VPS54: variants seen among roughly 807,000 people sequenced by gnomAD.
VPS54 encodes the protein vacuolar protein sorting-associated protein 54.
A neutral mutation model predicts 121.5 loss-of-function variants in VPS54; 45 were observed. The ratio of observed to expected loss-of-function variants is 0.37; its 90% confidence interval spans 0.29 to 0.47. VPS54 has a LOEUF of 0.47. Among genes scored for constraint, VPS54 ranks in the 20% least tolerant of loss-of-function variants. The pLI is 0.99. For synonymous variants in VPS54, 371 were observed against 385.8 expected, an observed-to-expected ratio of 0.96 and a Z score of 0.45; for missense variants, 1,090 against 1,131.4, an observed-to-expected ratio of 0.96 and a Z score of 0.52.
At chr2:63,961,970 A>G in intron 7 of VPS54, 88 bp downstream of exon 7, 1 of 1,320,298 alleles carries the variant, frequency 7.6e-7, no homozygotes, top group Non-Finnish European at 1.0e-6. Context: ...TTAACTTTGA[A>G]TATATTCACA....
chr2:63,988,003 GCTTT>G (rs374556774), intron 1 of VPS54, among the ~76,000 whole-genome samples: 111 of 152,254 alleles, frequency 7.3e-4, no homozygotes, highest in African/African-American at 2.3e-3. Context: ...CAATTTGGAT[GCTTT>G]CTTTCTTTCT....
chr2:63,965,716 A>G (rs1559026341), intron 6 of VPS54, 119 bp downstream of exon 6: 4 of 1,397,928 alleles, frequency 2.9e-6, no homozygotes, highest in Non-Finnish European at 1.9e-6. Context: ...TATAGTTATC[A>G]GTAAGAACAA....
intron 1 of VPS54, among the ~76,000 whole-genome samples, 186 bp from the exon 2 acceptor site, chr2:63,984,205 C>G (rs1676935990): frequency 6.6e-6 from 1 of 151,990 alleles, no homozygotes; most frequent in African/African-American, 2.4e-5. Context: ...GTTATTTGTC[C>G]CCATTTTTAA....
chr2:64,018,148 C>T (rs1678796142), intron 1 of VPS54, among the ~76,000 whole-genome samples: 1 of 152,100 alleles, frequency 6.6e-6, no homozygotes, highest in Non-Finnish European at 1.5e-5. Flanking sequence ...CTTGATTTGA[C>T]AAATCAGAAA....
chr2:63,971,883 C>G (rs1265650130), intron 4 of VPS54, among the ~76,000 whole-genome samples: 1 of 152,090 alleles, frequency 6.6e-6, no homozygotes, highest in Non-Finnish European at 1.5e-5. Flanking sequence ...TGGGACTACA[C>G]ACATGTGCCA....
chr2:63,948,389 C>A (rs1675085391), intron 8 of VPS54, among the ~76,000 whole-genome samples: 1 of 149,966 alleles, frequency 6.7e-6, no homozygotes, highest in African/African-American at 2.5e-5. Flanking sequence ...CGGGTAATTA[C>A]CATATGATAA....
intron 20 of VPS54, among the ~76,000 whole-genome samples, chr2:63,907,094 A>G (rs1191838550): frequency 6.6e-6 from 1 of 152,234 alleles, no homozygotes; most frequent in Admixed American, 6.5e-5. Context: ...ACTATGAAAA[A>G]TGAACACTGA....
At chr2:63,988,355 G>C (rs888020380) in intron 1 of VPS54, among the ~76,000 whole-genome samples, 6 of 152,080 alleles carry the variant, frequency 3.9e-5, no homozygotes, top group African/African-American at 1.4e-4. Context: ...AATCCCACTT[G>C]GTCATGATGA....
At chr2:63,952,677 A>C (rs1675308537) in intron 7 of VPS54, among the ~76,000 whole-genome samples, 1 of 152,186 alleles carries the variant, frequency 6.6e-6, no homozygotes, top group Non-Finnish European at 1.5e-5. Context: ...ACAACAGGAA[A>C]TTATATTTCT....
chr2:63,987,847 A>G (rs1431700666), intron 1 of VPS54, among the ~76,000 whole-genome samples: 1 of 152,182 alleles, frequency 6.6e-6, no homozygotes, highest in Non-Finnish European at 1.5e-5. Flanking sequence ...GCATATGTAA[A>G]TGATACTGAT....
intron 17 of VPS54, chr2:63,913,757 A>G: frequency 3.8e-6 from 3 of 799,444 alleles, no homozygotes; most frequent in Non-Finnish European, 4.6e-6. Flanking sequence ...GAAATGGCTG[A>G]ATAAAATCAT....
At chr2:64,011,043 AAAT>A (rs1356143101) in intron 1 of VPS54, among the ~76,000 whole-genome samples, 3 of 152,244 alleles carry the variant, frequency 2.0e-5, no homozygotes, top group African/African-American at 4.8e-5. Flanking sequence ...AAACAATAAG[AAAT>A]AATATTGACT....
intron 3 of VPS54, 128 bp from the exon 4 acceptor site, chr2:63,972,372 G>T: frequency 3.5e-6 from 2 of 569,732 alleles, no homozygotes; most frequent in Non-Finnish European, 3.0e-6. Flanking sequence ...GAAATCACTA[G>T]CCTCCTGAAC....
Position 63,921,203 on chromosome 2 carries a change from T to C in VPS54, c.1869+3A>G. ...ATATATAAAGCTTTATGAAAATAGC[T>C]ACCTTTGCTCTTGACATGAGAAATT... On this transcript the variant is annotated splice_donor_region_variant and intron_variant, in intron 13 of 22. Coordinates refer to ENST00000272322, the MANE Select transcript of VPS54 (RefSeq NM_016516.3). 6.2e-7 allele frequency: 1 copy of C among 1,602,622 alleles called. No homozygotes were observed. Among genetic ancestry groups the C allele is most frequent in the Non-Finnish European group, 8.5e-7 (1 of 1,174,972 alleles).
chr2:63,987,611 T>G (rs1471851256), intron 1 of VPS54, among the ~76,000 whole-genome samples: 1 of 152,224 alleles, frequency 6.6e-6, no homozygotes, highest in Non-Finnish European at 1.5e-5. Context: ...GTAGATTGCT[T>G]TGGTTAGTAT....
intron 1 of VPS54, among the ~76,000 whole-genome samples, chr2:64,009,565 C>T (rs1052603601): frequency 6.6e-6 from 1 of 152,158 alleles, no homozygotes. Flanking sequence ...ATCCGCCTGC[C>T]TCAGCCTCCC....
At chr2:63,958,699 G>T (rs1350389393) in intron 7 of VPS54, among the ~76,000 whole-genome samples, 1 of 152,078 alleles carries the variant, frequency 6.6e-6, no homozygotes, top group Non-Finnish European at 1.5e-5. Context: ...CTGGGTGACA[G>T]GGCAAGACTG....
At chr2:63,946,384 G>A (rs1358839304) in intron 9 of VPS54, among the ~76,000 whole-genome samples, 3 of 152,034 alleles carry the variant, frequency 2.0e-5, no homozygotes. Flanking sequence ...ACATATTTCT[G>A]TTGGGTGCAT....
At chr2:63,997,254 C>T (rs1025445245) in intron 1 of VPS54, among the ~76,000 whole-genome samples, 2 of 152,114 alleles carry the variant, frequency 1.3e-5, no homozygotes, top group African/African-American at 4.8e-5. Flanking sequence ...TCCTATTTTT[C>T]AGACTAGTTT....
Sources: allele counts gnomAD v4.1 joint callset (sites outside exome capture counted in the v4.1 genomes callset), GRCh38; gene constraint gnomAD v4.1.1; transcripts MANE v1.5; gene names NCBI Gene and HGNC (gene_info 2026-07-23, HGNC 2026-07-21).